ZNF692: variants seen among roughly 807,000 people sequenced by gnomAD.
The protein encoded by ZNF692 is zinc finger protein 692.
A neutral mutation model predicts 49.0 loss-of-function variants in ZNF692; 41 were observed. The observed-to-expected ratio is 0.84, with a 90% CI of 0.65 to 1.08. The LOEUF (loss-of-function observed/expected upper bound fraction) is 1.08, where lower values mean the gene tolerates loss of function less well. ZNF692 is among the 50% of genes least tolerant of loss of function. The pLI, the probability that ZNF692 is intolerant of heterozygous loss-of-function variation, is 0.00. For missense variants in ZNF692, 662 were observed against 662.2 expected (o/e 1.00, Z 0.00); for synonymous variants, 288 against 251.5 (o/e 1.15, Z -1.37).
rs1262741223 is a variant in ZNF692, at chr1:248,853,941, G to A, written c.1149C>T (p.His383=). ...AGGTGGAGTTCCACCACTCACCACT[G>A]TGCAGCTTCATGTGCTCCTTCAGGT... ...KKHLKEHMKL[H]SDTRDYICEF... is the part of the protein sequence containing the mutation. The change falls in exon 10 of 12, where the codon CAC becomes CAT. Residue 383 remains histidine (H), a synonymous_variant. Coordinates refer to ENST00000306601, the MANE Select transcript of ZNF692 (RefSeq NM_017865.4). 8 of 1,612,884 alleles carry A rather than the reference G, an allele frequency of 5.0e-6. No homozygotes were observed. Among genetic ancestry groups the A allele is most frequent in the Non-Finnish European group, 6.8e-6 (8 of 1,179,024 alleles).
chr1:248,854,965 T>C (rs562028539), intron 9 of ZNF692, among the ~76,000 whole-genome samples: 1 of 152,256 alleles, frequency 6.6e-6, no homozygotes, highest in East Asian at 1.9e-4. Flanking sequence ...AGTGCTCTGG[T>C]TGACTGTAGG....
rs1470439277 is a variant in ZNF692 at position 248,850,019 on chromosome 1, CTGTT to C, written c.*187_*190del. On this transcript the variant is annotated 3_prime_UTR_variant, in exon 12 of 12. Coordinates refer to ENST00000306601, the MANE Select transcript of ZNF692 (RefSeq NM_017865.4). ...TGCCCACACATGCCTGCATAAAATA[CTGTT>C]TATTTTGTCCTTTAGGAAGACTAAA... 15 of 540,784 alleles carry C rather than the reference CTGTT, an allele frequency of 2.8e-5. No individual in the cohort carries two copies. Among genetic ancestry groups the C allele is most frequent in the Non-Finnish European group, 4.7e-5 (15 of 321,304 alleles). The allele number at this position is 540,784 out of a possible 1,614,324, so 33.5% of individuals were successfully genotyped here.
Position 248,855,478 on chromosome 1 carries a change from G to T in ZNF692, c.960-20C>A. On this transcript the variant is annotated intron_variant, in intron 8 of 11. Coordinates refer to ENST00000306601, the MANE Select transcript of ZNF692 (RefSeq NM_017865.4). ...GCTTTCCTGAGGAGAAGAATGGAAA[G>T]GAGCAGCATGACTCCTGCCTGCCCT... 1 of 1,614,086 alleles carries T rather than the reference G, an allele frequency of 6.2e-7. No homozygotes were observed. Among genetic ancestry groups the T allele is most frequent in the Non-Finnish European group, 8.5e-7 (1 of 1,179,968 alleles).
chr1:248,850,815 C>T (rs771477894), intron 10 of ZNF692, 34 bp from the exon 11 acceptor site: 21 of 1,603,816 alleles, frequency 1.3e-5, no homozygotes, highest in Non-Finnish European at 1.7e-5. Flanking sequence ...CAGCATCTGC[C>T]CCCACCCTGT....
At chr1:248,853,843 G>A (rs1659904327) in intron 10 of ZNF692, 94 bp downstream of exon 10, 3 of 902,118 alleles carry the variant, frequency 3.3e-6, no homozygotes, top group Non-Finnish European at 5.3e-6. Context: ...ACCCCGTAGA[G>A]GGGGAGGTGA....
In ZNF692 at chr1:248,857,400, A is replaced by C. The variant is rs1281513800; in HGVS notation, c.309T>G (p.Pro103=). 2 of 1,613,994 alleles carry C rather than the reference A, an allele frequency of 1.2e-6. No homozygotes were observed. Among genetic ancestry groups the C allele is most frequent in the Admixed American group, 3.3e-5 (2 of 59,996 alleles). The change falls in exon 4 of 12, where the codon CCT becomes CCG. Residue 103 remains proline (P), a synonymous_variant. Coordinates refer to ENST00000306601, the MANE Select transcript of ZNF692 (RefSeq NM_017865.4). ...ACACAAGCCCCCCATCTTGGCCGCC[A>C]GGCCCCCGAAGCCCGGGCACCAGGC... The part of the protein sequence containing the change: ...ECSLVPGLRG[P]GGQDGGLVWE...
At position 248,850,247 on chromosome 1, in the gene ZNF692, G is replaced by A; in HGVS notation, c.1523C>T (p.Ala508Val). The A allele has an allele frequency of 6.4e-7, 1 of 1,559,566 alleles. No individual in the cohort carries two copies. The highest frequency in any genetic ancestry group is 8.7e-7 in the Non-Finnish European group (1 of 1,152,226). ...AAGCAGGGTTGGAGCCTGAGGAGAT[G>A]CAGAGGGCCTGGACCCCTCGCTGGA... ...LGSSEGSRPS[A>V]SPQAPTLLPQ... The change falls in exon 12 of 12, where the codon GCA (alanine) becomes GTA (valine). Residue 508 changes from alanine (A) to valine (V), a missense_variant. Physicochemically the swap from Ala to Val is moderately conservative, Grantham distance 64. Coordinates refer to ENST00000306601, the MANE Select transcript of ZNF692 (RefSeq NM_017865.4).
At chr1:248,857,786 C>T (rs761015800) in intron 3 of ZNF692, 42 bp downstream of exon 3, 5 of 1,605,016 alleles carry the variant, frequency 3.1e-6, no homozygotes, top group East Asian at 4.5e-5. Flanking sequence ...CCCTGTGGTC[C>T]CTCTTCCCTC....
intron 6 of ZNF692, 83 bp downstream of exon 6, chr1:248,856,205 C>G (rs1660215272): frequency 6.6e-7 from 1 of 1,513,840 alleles, no homozygotes; most frequent in Non-Finnish European, 8.8e-7. Context: ...ACAAGCCCTT[C>G]CCTCTAGTCT....
chr1:248,856,119 A>C, intron 6 of ZNF692, 169 bp downstream of exon 6: 4 of 1,235,494 alleles, frequency 3.2e-6, no homozygotes, highest in Non-Finnish European at 4.4e-6. Context: ...ACCTGACTTC[A>C]CCCCTTTTCA....
In ZNF692 at chr1:248,850,748, C is replaced by T. The variant is rs758015483; in HGVS notation, c.1187G>A (p.Arg396Gln). Residue 396 changes from arginine to glutamine, a missense_variant, in exon 11 of 12, where the codon CGG (arginine) becomes CAG (glutamine). By Grantham distance (43) the Arg-to-Gln change is conservative. Coordinates refer to ENST00000306601, the MANE Select transcript of ZNF692 (RefSeq NM_017865.4). ...TRDYICEFCA[R>Q]SFRTSSNLVI... ...AAGGTTGCTGCTAGTGCGGAAAGAC[C>T]GGGCGCAGAACTCACAGATGTAGTC... is the stretch of plus-strand genomic sequence containing the variant. 1.2e-5 allele frequency: 20 copies of T among 1,614,040 alleles called. No homozygotes were observed. Among genetic ancestry groups the T allele is most frequent in the South Asian group, 8.8e-5 (8 of 91,078 alleles).
chr1:248,858,425 G>GT lies in ZNF692; in HGVS notation c.-12-105_-12-104insA. ...TCAGTTTCCTCATCAGTGAACTGGG[G>GT]CAAGACTAAACTATTTCAATAGCAG... On this transcript the variant is annotated intron_variant, in intron 1 of 11. Coordinates refer to ENST00000306601, the MANE Select transcript of ZNF692 (RefSeq NM_017865.4). This position sits in a 1 kb window ranked among gnomAD's most constrained non-coding sequence, Gnocchi z 4.3. The GT allele has an allele frequency of 6.4e-7, 1 of 1,550,944 alleles. No homozygotes were observed. Among genetic ancestry groups the GT allele is most frequent in the Non-Finnish European group, 8.7e-7 (1 of 1,146,336 alleles).
At chr1:248,857,572 AG>A in intron 3 of ZNF692, 75 bp from the exon 4 acceptor site, 1 of 1,536,080 alleles carries the variant, frequency 6.5e-7, no homozygotes, top group Non-Finnish European at 8.7e-7. Context: ...ATACCCAGGG[AG>A]CCCTGTTCCC....
chr1:248,853,861 C>A, intron 10 of ZNF692, 76 bp downstream of exon 10: 1 of 1,202,580 alleles, frequency 8.3e-7, no homozygotes, highest in Admixed American at 1.9e-5. Flanking sequence ...TGAAGAAACC[C>A]ACAGAGCCCA....
chr1:248,857,051 G>A (rs189453821), intron 4 of ZNF692, among the ~76,000 whole-genome samples, 183 bp downstream of exon 4: 14 of 152,208 alleles, frequency 9.2e-5, no homozygotes, highest in Non-Finnish European at 7.4e-5. Context: ...ACCAATGATA[G>A]CATACCATAC....
Position 248,855,612 on chromosome 1 carries a change from G to A in ZNF692, c.905C>T (p.Ala302Val), listed in dbSNP as rs759921772. Residue 302 changes from alanine (A) to valine (V), a missense_variant, in exon 8 of 12, where the codon GCT becomes GTT. Coordinates refer to ENST00000306601, the MANE Select transcript of ZNF692 (RefSeq NM_017865.4). The stretch of plus-strand genomic sequence containing the variant: ...GTCCTCATCCCAGGCCGGGGTTGGA[G>A]CAGACTGGGCCTGACTCCCAGTGCT... ...LASTGSQAQS[A>V]PTPAWDEDTA... 6.2e-7 allele frequency: 1 copy of A among 1,614,242 alleles called. No individual in the cohort carries two copies.
Position 248,855,600 on chromosome 1 carries a change from G to C in ZNF692, c.917C>G (p.Ala306Gly). 1 of 1,614,196 alleles carries C rather than the reference G, an allele frequency of 6.2e-7. No individual in the cohort carries two copies. Among genetic ancestry groups the C allele is most frequent in the Non-Finnish European group, 8.5e-7 (1 of 1,180,032 alleles). Residue 306 changes from alanine to glycine, a missense_variant, in exon 8 of 12, where the codon GCC becomes GGC. By Grantham distance (60) the Ala-to-Gly change is moderately conservative. Transcript: ENST00000306601. ...AATTTGTGCAGTGTCCTCATCCCAG[G>C]CCGGGGTTGGAGCAGACTGGGCCTG... ...GSQAQSAPTP[A>G]WDEDTAQIGP...
intron 9 of ZNF692, 138 bp downstream of exon 9, chr1:248,855,242 A>G (rs1447353823): frequency 2.6e-6 from 2 of 780,016 alleles, no homozygotes; most frequent in African/African-American, 3.5e-5. Context: ...GTGAGGACCA[A>G]AAGACTTTAT....
intron 9 of ZNF692, among the ~76,000 whole-genome samples, chr1:248,854,745 ATCT>A (rs1193140193): frequency 6.6e-6 from 1 of 152,032 alleles, no homozygotes; most frequent in African/African-American, 2.4e-5. Flanking sequence ...GGCTGCTTTG[ATCT>A]TCTCCACAGC....
Sources: allele counts gnomAD v4.1 joint callset (sites outside exome capture counted in the v4.1 genomes callset), GRCh38; gene constraint gnomAD v4.1.1; non-coding constraint Gnocchi (gnomAD v3.1); transcripts MANE v1.5; gene names NCBI Gene and HGNC (gene_info 2026-07-23, HGNC 2026-07-21).